The following AGA variants were observed in gnomAD, a reference collection of about 807,000 sequenced individuals.
The protein encoded by AGA is aspartylglucosaminidase, also known as N(4)-(beta-N-acetylglucosaminyl)-L-asparaginase.
AGA carries 31 observed loss-of-function variants against 40.1 expected under a neutral mutation model. The ratio of observed to expected loss-of-function variants is 0.77; its 90% confidence interval spans 0.58 to 1.04. The LOEUF is 1.04. Among genes scored for constraint, AGA ranks in the 50% least tolerant of loss-of-function variants. The probability of loss-of-function intolerance (pLI) is 0.00; values close to 1 mark genes in which losing one functional copy is unlikely to be tolerated. For synonymous variants in AGA, 148 were observed against 144.0 expected, an observed-to-expected ratio of 1.03 and a Z score of -0.20; for missense variants, 445 against 435.4, an observed-to-expected ratio of 1.02 and a Z score of -0.20.
At chr4:177,439,995 G>A in intron 2 of AGA, 1 of 585,562 alleles carries the variant, frequency 1.7e-6, no homozygotes, top group Non-Finnish European at 3.0e-6. Flanking sequence ...AGCATTTGTG[G>A]ACAGCAGATA....
intron 6 of AGA, 103 bp from the exon 7 acceptor site, chr4:177,434,592 C>A: frequency 6.5e-6 from 6 of 918,712 alleles, no homozygotes; most frequent in Non-Finnish European, 1.1e-5. Flanking sequence ...CCTCTGATAC[C>A]GTTTTAAGTA....
At chr4:177,433,692 G>A (rs550494612) in intron 7 of AGA, among the ~76,000 whole-genome samples, 7 of 152,236 alleles carry the variant, frequency 4.6e-5, no homozygotes, top group Non-Finnish European at 1.5e-5. Context: ...AAAGGGGAAA[G>A]TAGTGTGCAT....
In AGA at chr4:177,439,596, G is replaced by T. The variant is rs368617511; in HGVS notation, c.374C>A (p.Thr125Lys). ...AATACCTGACTCTCCTACTAAAAGT[G>T]TGTGTGTTGTATGTTCCAGTACTTT... ...ARKVLEHTTHTLLVGESATTF... is the reference protein window; with the variant it reads ...ARKVLEHTTHKLLVGESATTF... The change falls in exon 3 of 9, where the codon ACA becomes AAA. Residue 125 changes from threonine to lysine, a missense_variant. Thr to Lys is a moderately conservative substitution (Grantham distance 78). Coordinates refer to ENST00000264595, the MANE Select transcript of AGA (RefSeq NM_000027.4). The T allele has an allele frequency of 1.9e-6, 3 of 1,613,262 alleles. No individual in the cohort carries two copies. In the African/African-American group the frequency reaches 4.0e-5, roughly 22 times the overall value.
chr4:177,439,751 A>G (rs1736936315), intron 2 of AGA, 63 bp from the exon 3 acceptor site: 1 of 1,222,834 alleles, frequency 8.2e-7, no homozygotes, highest in African/African-American at 1.5e-5. Context: ...GATTAAAAAC[A>G]TTGCTTTTCT....
intron 1 of AGA, among the ~76,000 whole-genome samples, 175 bp downstream of exon 1, chr4:177,442,074 C>G (rs950440693): frequency 6.6e-6 from 1 of 152,182 alleles, no homozygotes; most frequent in Non-Finnish European, 1.5e-5. Flanking sequence ...AGGCCACTTG[C>G]AAGAGACTGA....
At chr4:177,435,398 C>T (rs1736778143) in intron 6 of AGA, among the ~76,000 whole-genome samples, 1 of 152,100 alleles carries the variant, frequency 6.6e-6, no homozygotes, top group Admixed American at 6.5e-5. Flanking sequence ...TGTTATCAGC[C>T]AGGTATATAC....
intron 6 of AGA, among the ~76,000 whole-genome samples, chr4:177,435,805 T>TAC (rs907182682): frequency 2.3e-5 from 3 of 128,600 alleles, no homozygotes; most frequent in Non-Finnish European, 1.6e-5. Context: ...CACGCACACA[T>TAC]ACACACACAC....
At chr4:177,435,047 C>T (rs935230454) in intron 6 of AGA, among the ~76,000 whole-genome samples, 1 of 151,468 alleles carries the variant, frequency 6.6e-6, no homozygotes. Context: ...ACTACAGACA[C>T]GAACCACCAA....
At chr4:177,434,313 T>G in intron 7 of AGA, 69 bp downstream of exon 7, 1 of 1,461,428 alleles carries the variant, frequency 6.8e-7, no homozygotes, top group Non-Finnish European at 9.6e-7. Context: ...TCAAAAATTA[T>G]TTTCTATCTT....
intron 4 of AGA, among the ~76,000 whole-genome samples, chr4:177,438,361 G>A (rs1736889251): frequency 6.6e-6 from 1 of 152,130 alleles, no homozygotes; most frequent in South Asian, 2.1e-4. Flanking sequence ...ATGTCCTCAA[G>A]TCAAGAACAA....
In AGA at chr4:177,433,439, T is replaced by A; in HGVS notation, c.807-92A>T. 3 of 1,464,712 alleles carry A rather than the reference T, an allele frequency of 2.0e-6. No individual in the cohort carries two copies. In the South Asian group the frequency reaches 3.4e-5, roughly 17 times the overall value. The allele number at this position is 1,464,712 out of a possible 1,614,324, so 90.7% of individuals were successfully genotyped here. ...AAGTTAGAAATTAAAACCACCAAAA[T>A]TGCCACATGTGATAGAATACACATA... On this transcript the variant is annotated intron_variant, in intron 7 of 8. Coordinates refer to ENST00000264595, the MANE Select transcript of AGA (RefSeq NM_000027.4).
At chr4:177,436,802 TTAA>T (rs1357615882) in intron 5 of AGA, among the ~76,000 whole-genome samples, 1 of 152,170 alleles carries the variant, frequency 6.6e-6, no homozygotes, top group Non-Finnish European at 1.5e-5. Context: ...ATTAACATTA[TTAA>T]TTATTATTAA....
chr4:177,437,127 T>C (rs1286663716), intron 5 of AGA: 2 of 389,930 alleles, frequency 5.1e-6, no homozygotes, highest in South Asian at 2.6e-5. Flanking sequence ...TTATTTAAGG[T>C]CACTAAAATA....
Position 177,431,471 on chromosome 4 carries a change from T to TA in AGA, c.*236dup. The TA allele has an allele frequency of 9.2e-6, 5 of 546,112 alleles. No individual in the cohort carries two copies. Among genetic ancestry groups the TA allele is most frequent in the South Asian group, 9.0e-5 (5 of 55,736 alleles). 33.8% of individuals were successfully genotyped at this position (546,112 alleles called of 1,614,324 possible). On this transcript the variant is annotated 3_prime_UTR_variant, in exon 9 of 9. Transcript: ENST00000264595. ...ATCCAAGTGTCACTTAAAACTTAAA[T>TA]ATATACAAAATACAGCCACATACAT... is the stretch of plus-strand genomic sequence containing the variant.
intron 8 of AGA, 61 bp downstream of exon 8, chr4:177,433,153 A>G: frequency 6.2e-7 from 1 of 1,606,626 alleles, no homozygotes; most frequent in South Asian, 1.1e-5. Flanking sequence ...AATATTTAAA[A>G]AGTGTATGTT....
chr4:177,436,210 C>T (rs1053273669), intron 6 of AGA, 66 bp downstream of exon 6: 1 of 1,347,362 alleles, frequency 7.4e-7, no homozygotes. Flanking sequence ...ACCCCCATAG[C>T]ACCCGGCATA....
Position 177,431,159 on chromosome 4 carries a change from T to C in AGA, c.*549A>G, listed in dbSNP as rs996979187. 2.3e-6 allele frequency: 1 copy of C among 441,314 alleles called. No individual in the cohort carries two copies. Among genetic ancestry groups the C allele is most frequent in the African/African-American group, 2.0e-5 (1 of 49,218 alleles). 27.3% of individuals were successfully genotyped at this position (441,314 alleles called of 1,614,324 possible). On this transcript the variant is annotated 3_prime_UTR_variant, in exon 9 of 9. Coordinates refer to ENST00000264595, the MANE Select transcript of AGA (RefSeq NM_000027.4). The stretch of plus-strand genomic sequence containing the variant: ...TGCTCATCAGAAGATAGCTGTATTT[T>C]CTAGTATGTACAAAACAAAGAGTAT...
rs1458553941 is a variant in AGA, at chr4:177,433,194, A to G, written c.940+20T>C. The G allele has an allele frequency of 9.3e-6, 15 of 1,614,040 alleles. No homozygotes were observed. Among genetic ancestry groups the G allele is most frequent in the Non-Finnish European group, 1.3e-5 (15 of 1,179,942 alleles). ...AATATTTGGAAGTTCACACAAATAC[A>G]AAATCCAAACACAACTTACCGTAAC... On this transcript the variant is annotated intron_variant, in intron 8 of 8. Coordinates refer to ENST00000264595, the MANE Select transcript of AGA (RefSeq NM_000027.4).
intron 2 of AGA, 154 bp downstream of exon 2, chr4:177,440,119 G>A (rs1219184139): frequency 4.6e-6 from 4 of 874,402 alleles, no homozygotes; most frequent in Non-Finnish European, 7.2e-6. Flanking sequence ...TTTTTTTTCA[G>A]TTGAGAGGGA....
Sources: allele counts gnomAD v4.1 joint callset (sites outside exome capture counted in the v4.1 genomes callset), GRCh38; gene constraint gnomAD v4.1.1; transcripts MANE v1.5; gene names NCBI Gene and HGNC (gene_info 2026-07-23, HGNC 2026-07-21).